PLCD1: variants seen among roughly 807,000 people sequenced by gnomAD.
PLCD1 encodes the protein phospholipase C delta 1, also known as 1-phosphatidylinositol 4,5-bisphosphate phosphodiesterase delta-1.
In PLCD1, 71 loss-of-function variants were observed where a neutral mutation model predicts 87.4. The observed-to-expected ratio is 0.81, with a 90% confidence interval of 0.67 to 0.99. The LOEUF (loss-of-function observed/expected upper bound fraction) is 0.99, where lower values mean the gene tolerates loss of function less well. Ranked by LOEUF, PLCD1 falls within the 50% of genes least tolerant of loss-of-function variation. The probability of loss-of-function intolerance (pLI) is 0.00; values close to 1 mark genes in which losing one functional copy is unlikely to be tolerated. For missense variants in PLCD1, 867 were observed against 1,001.5 expected, an observed-to-expected ratio of 0.87 and a Z score of 1.81; for synonymous variants, 348 against 399.2, an observed-to-expected ratio of 0.87 and a Z score of 1.53.
intron 3 of PLCD1, among the ~76,000 whole-genome samples, chr3:38,012,103 T>G (rs73060838): frequency 6.8e-6 from 1 of 147,106 alleles, no homozygotes; most frequent in Admixed American, 6.8e-5. Context: ...TCACAGCTCA[T>G]TGCAGCCTAG....
At chr3:38,022,209 G>A (rs1700245991) in intron 1 of PLCD1, among the ~76,000 whole-genome samples, 1 of 152,330 alleles carries the variant, frequency 6.6e-6, no homozygotes, top group East Asian at 1.9e-4. Flanking sequence ...GTGCCTTAGC[G>A]TGAGCAGCTC....
Position 38,011,529 on chromosome 3 carries a change from C to G in PLCD1, c.558+15G>C. 1 of 1,614,126 alleles carries G rather than the reference C, an allele frequency of 6.2e-7. No individual in the cohort carries two copies. Among genetic ancestry groups the G allele is most frequent in the Non-Finnish European group, 8.5e-7 (1 of 1,179,980 alleles). ...CCCATGGACAGGCAGCCCCAGCCCC[C>G]ACTTCCTGCCTCACCCTGAAGATCT... On this transcript the variant is annotated intron_variant, in intron 4 of 14. Coordinates refer to ENST00000334661, the MANE Select transcript of PLCD1 (RefSeq NM_006225.4).
intron 1 of PLCD1, among the ~76,000 whole-genome samples, chr3:38,027,338 C>A (rs1447544558): frequency 6.6e-6 from 1 of 152,170 alleles, no homozygotes; most frequent in East Asian, 1.9e-4. Context: ...TCACTGGGTA[C>A]CAGGCACTGT....
rs1207792098 is a variant in PLCD1 at position 38,025,466 on chromosome 3, G to A, written c.34+4040C>T. Among the ~76,000 whole-genome samples the A allele has an allele frequency of 1.3e-5, 2 of 152,132 alleles. No individual in the cohort carries two copies. The highest frequency in any genetic ancestry group is 2.9e-5 in the Non-Finnish European group (2 of 68,026). On this transcript the variant is annotated intron_variant, in intron 1 of 14. Transcript: ENST00000334661. This position sits in a 1 kb window ranked among gnomAD's most constrained non-coding sequence, Gnocchi z 4.0. ...GGGCCAGACACCGAGCCCCCCCCAA[G>A]TATTTTACTTCAATTGCTCAACTAA...
rs763245915 is a variant in PLCD1 at position 38,012,031 on chromosome 3, C to CTTTTTT, written c.429-364_429-359dup. Among the ~76,000 whole-genome samples, 610 of 137,624 alleles carry CTTTTTT rather than the reference C, an allele frequency of 4.4e-3. 25 individuals carry two copies. Among genetic ancestry groups the CTTTTTT allele is most frequent in the African/African-American group, 0.015 (562 of 36,290 alleles). The allele number at this position is 137,624 out of a possible 152,430, so 90.3% of individuals were successfully genotyped here. A position where few individuals can be genotyped will look rare whatever the true frequency, so the allele number is the denominator to read the frequency against. ...AGTATATCCTTCTGGTTTTCCTTTT[C>CTTTTTT]TTTTTTTTTTTTTTTTGACAAGATC... is the stretch of plus-strand genomic sequence containing the variant. On this transcript the variant is annotated intron_variant, in intron 3 of 14. Coordinates refer to ENST00000334661, the MANE Select transcript of PLCD1 (RefSeq NM_006225.4).
rs1700191663 is a variant in PLCD1 at position 38,018,715 on chromosome 3, C to G, written c.199+1473G>C. ...CCCATTCTCACTGTGCTCCCACCCA[C>G]CAGCATCTAACAGGAAATCCCATAT... is the stretch of plus-strand genomic sequence containing the variant. On this transcript the variant is annotated intron_variant, in intron 2 of 14. Coordinates refer to ENST00000334661, the MANE Select transcript of PLCD1 (RefSeq NM_006225.4). The surrounding 1 kb of genome is among the most constrained non-coding windows in gnomAD (Gnocchi z 5.7). Among the ~76,000 whole-genome samples the G allele has an allele frequency of 6.6e-6, 1 of 152,148 alleles. No individual in the cohort carries two copies. The highest frequency in any genetic ancestry group is 1.5e-5 in the Non-Finnish European group (1 of 68,018).
rs752980022 is a variant in PLCD1 at position 38,008,262 on chromosome 3, G to A, written c.2008C>T (p.Arg670Cys). The A allele has an allele frequency of 2.2e-5, 36 of 1,614,038 alleles. No individual in the cohort carries two copies. The highest frequency in any genetic ancestry group is 1.1e-4 in the South Asian group (10 of 91,090). ...TTGTTGGTGATGACAGCAGTCTGGC[G>A]GCTGGCCACGTCCCGGCTCACGCCA... is the stretch of plus-strand genomic sequence containing the variant. ...IHGVSRDVAS[R>C]QTAVITNNGF... Residue 670 changes from arginine to cysteine, a missense_variant, in exon 13 of 15, where the codon CGC becomes TGC. By Grantham distance (180) the Arg-to-Cys change is radical. Transcript: ENST00000334661.
chr3:38,019,112 C>G (rs1255362146), intron 2 of PLCD1: 1 of 152,300 alleles, frequency 6.6e-6, no homozygotes, highest in Non-Finnish European at 1.5e-5. Context: ...CTCCTCCTAC[C>G]TGCGCTTATC....
chr3:38,026,603 G>A (rs1211737245), intron 1 of PLCD1, among the ~76,000 whole-genome samples: 2 of 152,228 alleles, frequency 1.3e-5, no homozygotes, highest in Non-Finnish European at 2.9e-5. Context: ...GTGGTCTGTG[G>A]CACAAAAAGT....
At chr3:38,024,365 C>G in intron 1 of PLCD1, 1 of 1,613,024 alleles carries the variant, frequency 6.2e-7, no homozygotes, top group Admixed American at 1.7e-5. Flanking sequence ...GCGCCGCCAC[C>G]TTAAGGCTCC....
In PLCD1 at chr3:38,008,503, G is replaced by A; in HGVS notation, c.1857C>T (p.Ala619=). ...RDPNGTFNPR[A]LAQGPWWARK... The stretch of plus-strand genomic sequence containing the variant: ...GTGCCCACCAGGGCCCCTGAGCCAG[G>A]GCGCGGGGGTTAAAGGTGCCGTTGG... The change falls in exon 12 of 15, where the codon GCC becomes GCT. Residue 619 remains alanine (A), a synonymous_variant. Coordinates refer to ENST00000334661, the MANE Select transcript of PLCD1 (RefSeq NM_006225.4). 1.9e-6 allele frequency: 3 copies of A among 1,614,220 alleles called. No individual in the cohort carries two copies. Among genetic ancestry groups the A allele is most frequent in the African/African-American group, 1.3e-5 (1 of 75,072 alleles).
At chr3:38,023,794 A>G (rs1307129177) in intron 1 of PLCD1, among the ~76,000 whole-genome samples, 1 of 151,722 alleles carries the variant, frequency 6.6e-6, no homozygotes, top group Non-Finnish European at 1.5e-5. Context: ...CTGGGTTACA[A>G]GCAGCCACCT....
rs1700212182 is a variant in PLCD1 at position 38,020,169 on chromosome 3, G to T, written c.199+19C>A. The T allele has an allele frequency of 4.3e-6, 7 of 1,609,800 alleles. No homozygotes were observed. In the African/African-American group the frequency reaches 8.0e-5, roughly 18 times the overall value. ...GATTCCACACTCTATCCCCTCCCCT[G>T]TGACCCCAGGGCACTCACACAGCTG... On this transcript the variant is annotated intron_variant, in intron 2 of 14. Coordinates refer to ENST00000334661, the MANE Select transcript of PLCD1 (RefSeq NM_006225.4).
At chr3:38,024,553 G>A in intron 1 of PLCD1, 1 of 1,509,162 alleles carries the variant, frequency 6.6e-7, no homozygotes. Flanking sequence ...CCCTTGGAGG[G>A]GAGCAGGGGC....
At chr3:38,024,175 A>C (rs1700273936) in intron 1 of PLCD1, 1 of 655,608 alleles carries the variant, frequency 1.5e-6, no homozygotes, top group Non-Finnish European at 2.7e-6. Context: ...CTACCACTGC[A>C]AACACTGCCC....
rs1340615883 is a variant in PLCD1 at position 38,010,361 on chromosome 3, C to T, written c.992G>A (p.Arg331Gln). The T allele has an allele frequency of 1.9e-6, 3 of 1,614,040 alleles. No individual in the cohort carries two copies. Among genetic ancestry groups the T allele is most frequent in the South Asian group, 1.1e-5 (1 of 91,086 alleles). ...CGACCCAAGGCTCCCTGAGCAGCAC[C>T]GGATGTAGGCTTCAGTGCTGCTGGG... ...AGPSSTEAYI[R>Q]ALCKGCRCLE... Residue 331 changes from arginine to glutamine, a missense_variant and splice_region_variant, in exon 6 of 15, where the codon CGG becomes CAG. Coordinates refer to ENST00000334661, the MANE Select transcript of PLCD1 (RefSeq NM_006225.4).
At chr3:38,016,975 C>T (rs77155014) in intron 2 of PLCD1, among the ~76,000 whole-genome samples, 3,514 of 151,930 alleles carry the variant, frequency 0.023, 95 homozygotes, top group African/African-American at 0.063. Flanking sequence ...ACAGTGGAGA[C>T]ACACAGGGAG....
At chr3:38,013,091 C>T (rs112702277) in intron 3 of PLCD1, among the ~76,000 whole-genome samples, 5,394 of 151,450 alleles carry the variant, frequency 0.036, 137 homozygotes, top group African/African-American at 0.075. Flanking sequence ...GGTTTTGCCA[C>T]GTTGCCCAGA....
intron 3 of PLCD1, among the ~76,000 whole-genome samples, chr3:38,013,980 C>T (rs536405226): frequency 6.6e-6 from 1 of 152,112 alleles, no homozygotes; most frequent in East Asian, 1.9e-4. Flanking sequence ...TTTCCATTTA[C>T]AGTAGCAGCA....
Sources: allele counts gnomAD v4.1 joint callset (sites outside exome capture counted in the v4.1 genomes callset), GRCh38; gene constraint gnomAD v4.1.1; non-coding constraint Gnocchi (gnomAD v3.1); transcripts MANE v1.5; gene names NCBI Gene and HGNC (gene_info 2026-07-23, HGNC 2026-07-21).